B3GNT6: variants seen among roughly 807,000 people sequenced by gnomAD.
B3GNT6 encodes UDP-GlcNAc:betaGal beta-1,3-N-acetylglucosaminyltransferase 6, also known as acetylgalactosaminyl-O-glycosyl-glycoprotein beta-1,3-N-acetylglucosaminyltransferase.
For missense variants in B3GNT6, 624 were observed against 568.6 expected, an observed-to-expected ratio of 1.10 and a Z score of -0.99; for synonymous variants, 300 against 270.0, an observed-to-expected ratio of 1.11 and a Z score of -1.09.
At position 77,041,474 on chromosome 11, in the gene B3GNT6, G is replaced by A. The variant is rs913949427; in HGVS notation, c.*768G>A. 4 of 152,524 alleles carry A rather than the reference G, an allele frequency of 2.6e-5. No homozygotes were observed. The highest frequency in any genetic ancestry group is 5.9e-5 in the Non-Finnish European group (4 of 68,270). The allele number at this position is 152,524 out of a possible 1,614,324, so 9.4% of individuals were successfully genotyped here. On this transcript the variant is annotated 3_prime_UTR_variant, in exon 2 of 2. Coordinates refer to ENST00000622824, the MANE Select transcript of B3GNT6 (RefSeq NM_138706.5). ...CGCCAATAATCACCCCCACGGGTCA[G>A]AGACAGGCTCCTTGCCGGGGTCTGG...
intron 1 of B3GNT6, among the ~76,000 whole-genome samples, chr11:77,035,189 T>A (rs552253489): frequency 2.6e-4 from 40 of 152,316 alleles, no homozygotes; most frequent in African/African-American, 9.6e-4. Context: ...TGTTAATATG[T>A]GTGGGGCAAT....
At chr11:77,039,218 G>C in intron 1 of B3GNT6, among the ~76,000 whole-genome samples, 1 of 152,170 alleles carries the variant, frequency 6.6e-6, no homozygotes, top group Non-Finnish European at 1.5e-5. Context: ...GGCTGGAGTA[G>C]TCAGGTGAAC....
chr11:77,035,782 C>T (rs540938654), intron 1 of B3GNT6, among the ~76,000 whole-genome samples: 1 of 152,380 alleles, frequency 6.6e-6, no homozygotes, highest in East Asian at 1.9e-4. Context: ...CCAGCACCGC[C>T]CTTGGGAACA....
intron 1 of B3GNT6, among the ~76,000 whole-genome samples, chr11:77,037,991 AGGAGG>A (rs1949647338): frequency 1.4e-4 from 1 of 7,056 alleles, no homozygotes; most frequent in Non-Finnish European, 2.6e-4. Flanking sequence ...GGGAAGAGGG[AGGAGG>A]AGGGGGAGGA....
chr11:77,035,627 G>A (rs1399345209), intron 1 of B3GNT6, among the ~76,000 whole-genome samples: 2 of 152,226 alleles, frequency 1.3e-5, no homozygotes, highest in Non-Finnish European at 2.9e-5. Context: ...AGGGATCAGG[G>A]CCAGCAGAGG....
Position 77,040,865 on chromosome 11 carries a change from A to G in B3GNT6, c.*159A>G, listed in dbSNP as rs910274197. 1 of 1,212,560 alleles carries G rather than the reference A, an allele frequency of 8.2e-7. No individual in the cohort carries two copies. The highest frequency in any genetic ancestry group is 2.8e-5 in the East Asian group (1 of 35,286). The allele number at this position is 1,212,560 out of a possible 1,614,324, so 75.1% of individuals were successfully genotyped here. On this transcript the variant is annotated 3_prime_UTR_variant, in exon 2 of 2. Coordinates refer to ENST00000622824, the MANE Select transcript of B3GNT6 (RefSeq NM_138706.5). ...GGTGGGGGGTGTGGAAAATGCCTAC[A>G]TCCTGGCTCCATCTCCCGAAGTTTC...
chr11:77,035,316 G>T (rs2135372418), intron 1 of B3GNT6, among the ~76,000 whole-genome samples: 1 of 152,306 alleles, frequency 6.6e-6, no homozygotes, highest in Admixed American at 6.5e-5. Context: ...TAAAAAGATG[G>T]TCTCCTGTGT....
chr11:77,037,665 C>T (rs1452234676), intron 1 of B3GNT6, among the ~76,000 whole-genome samples: 1 of 151,656 alleles, frequency 6.6e-6, no homozygotes, highest in Non-Finnish European at 1.5e-5. Flanking sequence ...AATCCCAGCA[C>T]TTTGGGAAGC....
Position 77,040,784 on chromosome 11 carries a change from T to C in B3GNT6, c.*78T>C. 6.8e-7 allele frequency: 1 copy of C among 1,466,226 alleles called. No homozygotes were observed. Among genetic ancestry groups the C allele is most frequent in the Non-Finnish European group, 9.0e-7 (1 of 1,115,200 alleles). 90.8% of individuals were successfully genotyped at this position (1,466,226 alleles called of 1,614,324 possible). Reference sequence around the variant, plus strand: ...GGCAGCTTTCCCGCTCTGGGTACCTTACGTCCTGCCCAGCTCTGTGCACCT... The same window carrying C: ...GGCAGCTTTCCCGCTCTGGGTACCTCACGTCCTGCCCAGCTCTGTGCACCT... On this transcript the variant is annotated 3_prime_UTR_variant, in exon 2 of 2. Transcript: ENST00000622824.
chr11:77,040,997 T>G lies in B3GNT6; in HGVS notation c.*291T>G. 1.3e-5 allele frequency: 5 copies of G among 384,670 alleles called. No homozygotes were observed. Among genetic ancestry groups the G allele is most frequent in the Non-Finnish European group, 1.8e-5 (4 of 221,216 alleles). The allele number at this position is 384,670 out of a possible 1,614,324, so 23.8% of individuals were successfully genotyped here. ...GAGGACCACTCGGCTAGACTATCTC[T>G]TCATCCTCGCAAAGCCAGCTCCACC... On this transcript the variant is annotated 3_prime_UTR_variant, in exon 2 of 2. Coordinates refer to ENST00000622824, the MANE Select transcript of B3GNT6 (RefSeq NM_138706.5).
rs782404539 is a variant in B3GNT6, at chr11:77,040,566, G to A, written c.1015G>A (p.Ala339Thr). 4.4e-6 allele frequency: 7 copies of A among 1,587,012 alleles called. No individual in the cohort carries two copies. Among genetic ancestry groups the A allele is most frequent in the Non-Finnish European group, 6.0e-6 (7 of 1,173,966 alleles). Residue 339 changes from alanine to threonine, a missense_variant, in exon 2 of 2, where the codon GCA becomes ACA. Physicochemically the swap from Ala to Thr is moderately conservative, Grantham distance 58. Transcript: ENST00000622824. ...ACCCTTCGGCGTGCAGCTGCCTGGC[G>A]CACAGCAGTCCTCCTTCGACCCCTG... Reference protein sequence around the residue: ...IRPFGVQLPGAQQSSFDPCMY... With the variant: ...IRPFGVQLPGTQQSSFDPCMY...
chr11:77,041,724 T>G lies in B3GNT6; in HGVS notation c.*1018T>G, dbSNP rs782447472. 2 of 152,414 alleles carry G rather than the reference T, an allele frequency of 1.3e-5. No homozygotes were observed. The highest frequency in any genetic ancestry group is 4.8e-5 in the African/African-American group (2 of 41,398). 9.4% of individuals were successfully genotyped at this position (152,414 alleles called of 1,614,324 possible). On this transcript the variant is annotated 3_prime_UTR_variant, in exon 2 of 2. Coordinates refer to ENST00000622824, the MANE Select transcript of B3GNT6 (RefSeq NM_138706.5). ...CTGTAATCCCAGCACTTTGGGAGGC[T>G]GAGGAGGTCGGATCATGAGGTCAAG...
Position 77,040,917 on chromosome 11 carries a change from G to A in B3GNT6, c.*211G>A, listed in dbSNP as rs1949682613. The A allele has an allele frequency of 1.4e-6, 1 of 731,276 alleles. No individual in the cohort carries two copies. Among genetic ancestry groups the A allele is most frequent in the Non-Finnish European group, 2.0e-6 (1 of 500,480 alleles). The allele number at this position is 731,276 out of a possible 1,614,324, so 45.3% of individuals were successfully genotyped here. On this transcript the variant is annotated 3_prime_UTR_variant, in exon 2 of 2. Transcript: ENST00000622824. ...ATTTGATTAGTCTGGGGTGGACCCA[G>A]ACATGTTAAGTATTTTTTAAGTTCC...
intron 1 of B3GNT6, among the ~76,000 whole-genome samples, chr11:77,039,211 T>G (rs1015262502): frequency 6.6e-5 from 10 of 152,184 alleles, no homozygotes; most frequent in Admixed American, 6.5e-4. Context: ...GGCTTCTGGC[T>G]GGAGTAGTCA....
rs1555027377 is a variant in B3GNT6, at chr11:77,039,593, G to A, written c.42G>A (p.Leu14=). 2.5e-6 allele frequency: 4 copies of A among 1,607,484 alleles called. No homozygotes were observed. The highest frequency in any genetic ancestry group is 2.2e-5 in the South Asian group (2 of 90,178). The change falls in exon 2 of 2, where the codon CTG becomes CTA. Residue 14 remains leucine (L), a synonymous_variant. Transcript: ENST00000622824. ...PCRRSLTAKT[L]ACLLVGVSFL... ...GCAGGTCCCTGACTGCCAAGACTCT[G>A]GCCTGCCTCCTGGTGGGCGTGAGTT...
At position 77,041,080 on chromosome 11, in the gene B3GNT6, T is replaced by A; in HGVS notation, c.*374T>A. On this transcript the variant is annotated 3_prime_UTR_variant, in exon 2 of 2. Transcript: ENST00000622824. ...CCCACACTCGGGTCCTCTTGAGCAGTGGAGCAAGGGAGACCTGGGAGCGTG... is the reference window on the plus strand; with the variant it reads ...CCCACACTCGGGTCCTCTTGAGCAGAGGAGCAAGGGAGACCTGGGAGCGTG... 1 of 227,752 alleles carries A rather than the reference T, an allele frequency of 4.4e-6. No homozygotes were observed. The highest frequency in any genetic ancestry group is 8.5e-6 in the Non-Finnish European group (1 of 118,218). The allele number at this position is 227,752 out of a possible 1,614,324, so 14.1% of individuals were successfully genotyped here.
Position 77,039,750 on chromosome 11 carries a change from G to T in B3GNT6, c.199G>T (p.Gly67Trp). The T allele has an allele frequency of 6.3e-7, 1 of 1,596,210 alleles. No individual in the cohort carries two copies. Among genetic ancestry groups the T allele is most frequent in the Non-Finnish European group, 8.5e-7 (1 of 1,173,672 alleles). The change falls in exon 2 of 2, where the codon GGG becomes TGG. Residue 67 changes from glycine to tryptophan, a missense_variant. Coordinates refer to ENST00000622824, the MANE Select transcript of B3GNT6 (RefSeq NM_138706.5). The part of the protein sequence containing the change: ...ADEPPSELVP[G>W]PPCVANASAN... ...CGAGCCGCCCTCGGAGCTCGTCCCC[G>T]GGCCCCCGTGCGTGGCGAACGCCTC...
At position 77,039,611 on chromosome 11, in the gene B3GNT6, C is replaced by A. The variant is rs782551079; in HGVS notation, c.60C>A (p.Gly20=). 1 of 1,610,662 alleles carries A rather than the reference C, an allele frequency of 6.2e-7. No individual in the cohort carries two copies. Among genetic ancestry groups the A allele is most frequent in the Non-Finnish European group, 8.5e-7 (1 of 1,178,584 alleles). The change falls in exon 2 of 2, where the codon GGC becomes GGA. Residue 20 remains glycine, a synonymous_variant. Transcript: ENST00000622824. ...TAKTLACLLV[G]VSFLALQQWF... is the part of the protein sequence containing the mutation. ...AGACTCTGGCCTGCCTCCTGGTGGG[C>A]GTGAGTTTCTTAGCACTGCAGCAGT... is the stretch of plus-strand genomic sequence containing the variant.
Position 77,040,421 on chromosome 11 carries a change from C to A in B3GNT6, c.870C>A (p.Pro290=). ...CSGGGFLLSG[P]TARALRAAAR... is the part of the protein sequence containing the mutation. ...GCGGCGGCTTCCTCCTGTCCGGCCCCACGGCCCGGGCCCTGCGCGCGGCCG... is the reference window on the plus strand; with the variant it reads ...GCGGCGGCTTCCTCCTGTCCGGCCCAACGGCCCGGGCCCTGCGCGCGGCCG... The change falls in exon 2 of 2, where the codon CCC becomes CCA. Residue 290 remains proline, a synonymous_variant. Coordinates refer to ENST00000622824, the MANE Select transcript of B3GNT6 (RefSeq NM_138706.5). 6.5e-7 allele frequency: 1 copy of A among 1,529,932 alleles called. No homozygotes were observed. 94.8% of individuals were successfully genotyped at this position (1,529,932 alleles called of 1,614,324 possible).
Sources: allele counts gnomAD v4.1 joint callset (sites outside exome capture counted in the v4.1 genomes callset), GRCh38; gene constraint gnomAD v4.1.1; transcripts MANE v1.5; gene names NCBI Gene and HGNC (gene_info 2026-07-23, HGNC 2026-07-21).